COL18A1: variants seen among roughly 807,000 people sequenced by gnomAD.
The protein encoded by COL18A1 is collagen type XVIII alpha 1 chain.
In COL18A1, 133 loss-of-function variants were observed where a neutral mutation model predicts 168.0. That is an observed-to-expected ratio of 0.79 (90% CI 0.69 to 0.91). COL18A1 has a LOEUF of 0.91. Among genes scored for constraint, COL18A1 ranks in the 40% least tolerant of loss-of-function variants. The pLI is 0.00. For missense variants in COL18A1, 2,126 were observed against 1,925.4 expected, an observed-to-expected ratio of 1.10 and a Z score of -1.95; for synonymous variants, 949 against 809.0, an observed-to-expected ratio of 1.17 and a Z score of -2.94.
Position 45,456,836 on chromosome 21 carries a change from C to T in COL18A1, c.107-11406C>T, listed in dbSNP as rs533852138. The T allele has an allele frequency of 7.7e-5, 117 of 1,514,614 alleles. No individual in the cohort carries two copies. In the African/African-American group the frequency reaches 1.5e-3, roughly 19 times the overall value. The allele number at this position is 1,514,614 out of a possible 1,614,324, so 93.8% of individuals were successfully genotyped here. A position where few individuals can be genotyped will look rare whatever the true frequency, so the allele number is the denominator to read the frequency against. ...GCTGCCCGTCGCCTGTGCCTCGCTCCCGACCCAGGAGGATGGGTACTGTGT... is the reference window on the plus strand; with the variant it reads ...GCTGCCCGTCGCCTGTGCCTCGCTCTCGACCCAGGAGGATGGGTACTGTGT... On this transcript the variant is annotated intron_variant, in intron 2 of 41. Transcript: ENST00000651438.
chr21:45,405,308 G>GGGGGTCC (rs1555966537), intron 1 of COL18A1, 67 bp downstream of exon 1: 13 of 545,050 alleles, frequency 2.4e-5, no homozygotes, highest in East Asian at 2.3e-4. Flanking sequence ...CGCGGGGGTC[G>GGGGGTCC]CGGGGCTCGG....
At chr21:45,482,743 T>G (rs2035944667) in intron 14 of COL18A1, 52 bp from the exon 15 acceptor site, 1 of 1,614,152 alleles carries the variant, frequency 6.2e-7, no homozygotes, top group Non-Finnish European at 8.5e-7. Context: ...CCTTCCTCTG[T>G]CCACTGTGCT....
intron 3 of COL18A1, 152 bp downstream of exon 3, chr21:45,468,938 G>A: frequency 2.4e-6 from 2 of 832,454 alleles, no homozygotes; most frequent in Middle Eastern, 3.7e-4. Flanking sequence ...AGGCCTCCTG[G>A]GTTCTTGGCT....
At chr21:45,452,791 C>T (rs907759128) in intron 2 of COL18A1, among the ~76,000 whole-genome samples, 4 of 147,512 alleles carry the variant, frequency 2.7e-5, no homozygotes, top group Non-Finnish European at 4.5e-5. Flanking sequence ...TGTGAGCATG[C>T]ATGTACATAT....
At chr21:45,455,758 C>T in intron 2 of COL18A1, 1 of 1,613,760 alleles carries the variant, frequency 6.2e-7, no homozygotes, top group South Asian at 1.1e-5. Flanking sequence ...CAGCGACAGC[C>T]CCTGGCAGCC....
At chr21:45,480,947 C>T (rs1414782184) in intron 13 of COL18A1, 89 bp downstream of exon 13, 5 of 1,503,964 alleles carry the variant, frequency 3.3e-6, no homozygotes, top group Non-Finnish European at 4.5e-6. Flanking sequence ...TGCCCCGCCT[C>T]AGGCCTCCCC....
At chr21:45,479,172 CTG>C (rs35140854) in intron 9 of COL18A1, among the ~76,000 whole-genome samples, 20,335 of 141,820 alleles carry the variant, frequency 0.14, 1,605 homozygotes, top group East Asian at 0.24. Flanking sequence ...GAATGTGTGA[CTG>C]CGCGTGTGTG....
In COL18A1 at chr21:45,510,052, C is replaced by T. The variant is rs771748902; in HGVS notation, c.3496-12C>T. 3.2e-6 allele frequency: 5 copies of T among 1,549,692 alleles called. No individual in the cohort carries two copies. Among genetic ancestry groups the T allele is most frequent in the South Asian group, 1.2e-5 (1 of 85,026 alleles). On this transcript the variant is annotated splice_polypyrimidine_tract_variant and intron_variant, in intron 39 of 41. Transcript: ENST00000651438. Reference sequence around the variant, plus strand: ...GTGGGACACAGCCCGTGACGCGCCCCTCTCCCCGCAGCTCCACCTGGTTGC... The same window carrying T: ...GTGGGACACAGCCCGTGACGCGCCCTTCTCCCCGCAGCTCCACCTGGTTGC...
At chr21:45,509,293 C>A in intron 38 of COL18A1, 63 bp from the exon 39 acceptor site, 3 of 1,532,572 alleles carry the variant, frequency 2.0e-6, no homozygotes, top group Non-Finnish European at 2.6e-6. Flanking sequence ...GAGGAGGACA[C>A]AGATGGAGGA....
intron 2 of COL18A1, among the ~76,000 whole-genome samples, chr21:45,464,068 T>C (rs2035124370): frequency 6.6e-6 from 1 of 152,214 alleles, no homozygotes; most frequent in South Asian, 2.1e-4. Flanking sequence ...AGAACTGGGC[T>C]GGAGCCAAAC....
intron 2 of COL18A1, chr21:45,421,597 G>A (rs1169798992): frequency 3.7e-6 from 2 of 534,300 alleles, no homozygotes; most frequent in South Asian, 2.8e-5. Context: ...CACTCCTGCA[G>A]TCCTCTTCTC....
At chr21:45,467,251 G>A in intron 2 of COL18A1, 1 of 985,430 alleles carries the variant, frequency 1.0e-6, no homozygotes, top group Non-Finnish European at 1.2e-6. Context: ...CTGCGTCCTG[G>A]CTTGGGCTCC....
At chr21:45,505,789 C>CCCCGCCCT in intron 36 of COL18A1, 49 bp from the exon 37 acceptor site, 1 of 1,336,784 alleles carries the variant, frequency 7.5e-7, no homozygotes, top group Admixed American at 1.9e-5. Context: ...CCGCCCCTGC[C>CCCCGCCCT]CCCCGCCCTC....
Position 45,505,955 on chromosome 21 carries a change from C to CG in COL18A1, c.3207dup (p.Lys1070GlufsTer17). 1 of 1,613,152 alleles carries CG rather than the reference C, an allele frequency of 6.2e-7. No individual in the cohort carries two copies. The highest frequency in any genetic ancestry group is 8.5e-7 in the Non-Finnish European group (1 of 1,179,942). ...CTACGTCCGCGTGCAGAACGGGTTC[C>CG]GGAAGGTCCAGGTGAGCGCTCTGTG... On this transcript the variant is annotated frameshift_variant, in exon 37 of 42. Transcript: ENST00000651438. LOFTEE classifies it high-confidence loss of function.
At chr21:45,418,627 C>G (rs1051659108) in intron 2 of COL18A1, among the ~76,000 whole-genome samples, 1 of 113,106 alleles carries the variant, frequency 8.8e-6, no homozygotes, top group East Asian at 2.3e-4. Context: ...CTGCTGACCC[C>G]ACCGTGTCCA....
At chr21:45,447,666 A>G (rs991357096) in intron 2 of COL18A1, among the ~76,000 whole-genome samples, 1 of 152,162 alleles carries the variant, frequency 6.6e-6, no homozygotes, top group Non-Finnish European at 1.5e-5. Context: ...ATTTCAAGGA[A>G]CCCAGAATGG....
intron 25 of COL18A1, 128 bp from the exon 26 acceptor site, chr21:45,493,373 G>A: frequency 1.6e-6 from 2 of 1,281,886 alleles, no homozygotes; most frequent in South Asian, 1.3e-5. Context: ...GGCCGTCCCT[G>A]TGGTCACCTC....
chr21:45,483,113 A>G (rs944295203), intron 15 of COL18A1, among the ~76,000 whole-genome samples: 1 of 152,222 alleles, frequency 6.6e-6, no homozygotes, highest in Non-Finnish European at 1.5e-5. Flanking sequence ...GCTCATCTGG[A>G]AACAAGCTCC....
At position 45,501,572 on chromosome 21, in the gene COL18A1, C is replaced by T. The variant is rs183324247; in HGVS notation, c.2684-2439C>T. 1.0e-3 allele frequency among the ~76,000 whole-genome samples: 157 copies of T among 152,260 alleles called. 1 individual carries two copies. The highest frequency in any genetic ancestry group is 3.6e-3 in the African/African-American group (150 of 41,518). The stretch of plus-strand genomic sequence containing the variant: ...TCAGAAACCCCTGGGAGCTTAGGTG[C>T]GTCCAGGGCATCCTCAGCCCTCACA... On this transcript the variant is annotated intron_variant, in intron 32 of 41. Transcript: ENST00000651438.
Sources: allele counts gnomAD v4.1 joint callset (sites outside exome capture counted in the v4.1 genomes callset), GRCh38; gene constraint gnomAD v4.1.1; transcripts MANE v1.5; gene names NCBI Gene and HGNC (gene_info 2026-07-23, HGNC 2026-07-21).